Variants in GALNT13 observed in about 807,000 individuals in gnomAD.
GALNT13 encodes the protein UDP-GalNAc:polypeptide N-acetylgalactosaminyltransferase 13.
GALNT13 carries 28 observed loss-of-function variants against 64.2 expected under a neutral mutation model. The observed-to-expected ratio is 0.44, with a 90% CI of 0.32 to 0.60. GALNT13 has a LOEUF of 0.60. Ranked by LOEUF, GALNT13 falls within the 20% of genes least tolerant of loss-of-function variation. GALNT13 has a pLI of 0.05. For missense variants in GALNT13, 577 were observed against 669.8 expected (o/e 0.86, Z 1.53); for synonymous variants, 214 against 224.6 (o/e 0.95, Z 0.42).
At chr2:153,593,361 C>T in the GALNT13 span, 1 of 152,376 alleles carries the variant, frequency 6.6e-6, no homozygotes, top group East Asian at 1.9e-4. Flanking sequence ...CCATAATCCT[C>T]CTAGGTACAC....
chr2:153,994,932 A>G (rs1014892480), intron 3 of GALNT13, among the ~76,000 whole-genome samples: 2 of 152,094 alleles, frequency 1.3e-5, no homozygotes, highest in Admixed American at 6.6e-5. Context: ...GTTAGATCCT[A>G]TAACTAAACT....
chr2:153,309,779 A>G, the GALNT13 span, among the ~76,000 whole-genome samples: 1 of 152,146 alleles, frequency 6.6e-6, no homozygotes. Flanking sequence ...TAGTTTTACA[A>G]ATTAGAGAAT....
the GALNT13 span, among the ~76,000 whole-genome samples, chr2:153,378,520 G>A: frequency 6.6e-6 from 1 of 152,032 alleles, no homozygotes; most frequent in Admixed American, 6.6e-5. Flanking sequence ...AGAAGTCAAG[G>A]GGCTGACCTC....
chr2:153,503,160 AT>A, the GALNT13 span, among the ~76,000 whole-genome samples: 1 of 152,280 alleles, frequency 6.6e-6, no homozygotes, highest in East Asian at 1.9e-4. Flanking sequence ...GCCTAACCCA[AT>A]GTCTAAAATG....
chr2:153,190,459 A>G, the GALNT13 span, among the ~76,000 whole-genome samples: 1 of 152,010 alleles, frequency 6.6e-6, no homozygotes, highest in Non-Finnish European at 1.5e-5. Context: ...TTGTATACCA[A>G]TACCATGTTG....
At chr2:154,049,479 CTG>C (rs1333197310) in intron 3 of GALNT13, among the ~76,000 whole-genome samples, 4 of 145,304 alleles carry the variant, frequency 2.8e-5, no homozygotes, top group Non-Finnish European at 6.0e-5. Flanking sequence ...ATATATTTCA[CTG>C]TGATATGAAA....
At chr2:153,694,897 A>G in the GALNT13 span, among the ~76,000 whole-genome samples, 1 of 152,176 alleles carries the variant, frequency 6.6e-6, no homozygotes, top group African/African-American at 2.4e-5. Context: ...GGAGCCCCCA[A>G]AACAACCCCC....
the GALNT13 span, among the ~76,000 whole-genome samples, chr2:153,490,004 C>A: frequency 2.0e-5 from 3 of 151,778 alleles, no homozygotes; most frequent in African/African-American, 7.3e-5. Flanking sequence ...CACACACACA[C>A]ACACACAAAC....
rs183008206 is a variant in GALNT13 at position 154,123,663 on chromosome 2, T to A, written c.143-16674T>A. Among the ~76,000 whole-genome samples the A allele has an allele frequency of 4.9e-4, 74 of 152,106 alleles. No individual in the cohort carries two copies. In the East Asian group the frequency reaches 9.8e-3, roughly 20 times the overall value. ...CCTTAGAGAACGGTTTGTCATTTCTTATAAAGTTAAGAAATGTACTACCAT... is the reference window on the plus strand; with the variant it reads ...CCTTAGAGAACGGTTTGTCATTTCTAATAAAGTTAAGAAATGTACTACCAT... On this transcript the variant is annotated intron_variant, in intron 3 of 12. Transcript: ENST00000392825.
At chr2:154,171,717 G>C (rs1468923602) in intron 4 of GALNT13, among the ~76,000 whole-genome samples, 1 of 152,068 alleles carries the variant, frequency 6.6e-6, no homozygotes, top group Non-Finnish European at 1.5e-5. Flanking sequence ...AAGTGCTAAA[G>C]TGTTTCTCAG....
intron 12 of GALNT13, among the ~76,000 whole-genome samples, chr2:154,448,111 A>C (rs2105501551): frequency 6.6e-6 from 1 of 152,150 alleles, no homozygotes; most frequent in South Asian, 2.1e-4. Context: ...ACAGAAGATG[A>C]TGTTTCCTTG....
the GALNT13 span, among the ~76,000 whole-genome samples, chr2:153,162,008 G>A: frequency 6.6e-6 from 1 of 152,166 alleles, no homozygotes; most frequent in East Asian, 1.9e-4. Context: ...TTGATGAGTG[G>A]TTTGTAGTTG....
chr2:154,185,560 C>G (rs1200486446), intron 4 of GALNT13, among the ~76,000 whole-genome samples: 2 of 151,550 alleles, frequency 1.3e-5, no homozygotes, highest in Non-Finnish European at 3.0e-5. Context: ...CTTTTTGTTT[C>G]TTTGACTGGA....
chr2:153,342,975 CTA>C, the GALNT13 span, among the ~76,000 whole-genome samples: 3 of 152,032 alleles, frequency 2.0e-5, no homozygotes, highest in Admixed American at 6.6e-5. Flanking sequence ...GAGGGAAAGA[CTA>C]AATAAAAAGA....
chr2:153,150,061 C>T, the GALNT13 span, among the ~76,000 whole-genome samples: 5 of 151,760 alleles, frequency 3.3e-5, no homozygotes, highest in East Asian at 7.8e-4. Flanking sequence ...GATCTCTTGT[C>T]GGCTTCACTC....
intron 1 of GALNT13, among the ~76,000 whole-genome samples, chr2:153,888,724 T>C (rs1348874798): frequency 6.6e-6 from 1 of 152,020 alleles, no homozygotes; most frequent in African/African-American, 2.4e-5. Flanking sequence ...CTGGGGACCA[T>C]GCATGAGGTT....
chr2:153,739,544 T>C, the GALNT13 span, among the ~76,000 whole-genome samples: 1 of 133,150 alleles, frequency 7.5e-6, no homozygotes, highest in South Asian at 2.3e-4. Flanking sequence ...TTTAATGTAT[T>C]TATTTTTATT....
the GALNT13 span, among the ~76,000 whole-genome samples, chr2:153,207,467 A>AC: frequency 6.6e-6 from 1 of 151,806 alleles, no homozygotes; most frequent in Non-Finnish European, 1.5e-5. Flanking sequence ...TGGATGATGA[A>AC]CCCCTACTTG....
intron 9 of GALNT13, among the ~76,000 whole-genome samples, chr2:154,365,117 C>G (rs982897859): frequency 1.1e-4 from 16 of 152,150 alleles, no homozygotes; most frequent in Admixed American, 7.9e-4. Context: ...GGGTGATCTT[C>G]CCATTCTGTT....
Sources: allele counts gnomAD v4.1 joint callset (sites outside exome capture counted in the v4.1 genomes callset), GRCh38; gene constraint gnomAD v4.1.1; transcripts MANE v1.5; gene names NCBI Gene and HGNC (gene_info 2026-07-23, HGNC 2026-07-21).